IMMP2L: variants seen among roughly 807,000 people sequenced by gnomAD.
The protein encoded by IMMP2L is inner mitochondrial membrane peptidase subunit 2.
IMMP2L carries 18 observed loss-of-function variants against 19.3 expected under a neutral mutation model. The ratio of observed to expected loss-of-function variants is 0.93; its 90% CI spans 0.64 to 1.38. The LOEUF (loss-of-function observed/expected upper bound fraction) is 1.38. IMMP2L is among the 40% of genes most tolerant of loss of function. IMMP2L has a pLI of 0.00. For missense variants in IMMP2L, 233 were observed against 218.2 expected, an observed-to-expected ratio of 1.07 and a Z score of -0.43; for synonymous variants, 76 against 73.0, an observed-to-expected ratio of 1.04 and a Z score of -0.21.
intron 3 of IMMP2L, among the ~76,000 whole-genome samples, chr7:111,435,125 G>T (rs1475563028): frequency 6.6e-6 from 1 of 151,832 alleles, no homozygotes; most frequent in Non-Finnish European, 1.5e-5. Context: ...ACTGTATGGA[G>T]ATTTCTCAAA....
chr7:111,226,842 A>G (rs1813160153), intron 3 of IMMP2L, among the ~76,000 whole-genome samples: 1 of 152,058 alleles, frequency 6.6e-6, no homozygotes, highest in African/African-American at 2.4e-5. Context: ...AACTGACTAG[A>G]AGGAAATGGA....
In IMMP2L at chr7:111,286,111, T is replaced by A. The variant is rs112174681; in HGVS notation, c.239+201127A>T. 3.4e-3 allele frequency among the ~76,000 whole-genome samples: 522 copies of A among 152,238 alleles called. 2 individuals carry two copies. The highest frequency in any genetic ancestry group is 0.012 in the African/African-American group (494 of 41,540). On this transcript the variant is annotated intron_variant, in intron 3 of 5. Transcript: ENST00000405709. ...AGTATAACACTAAAAAGACTAATTA[T>A]TGAGAAGGCACACATAAAGAAAAAA...
chr7:111,060,700 A>G (rs527544640), intron 3 of IMMP2L, among the ~76,000 whole-genome samples: 2 of 152,368 alleles, frequency 1.3e-5, no homozygotes, highest in African/African-American at 4.8e-5. Flanking sequence ...TAATTCATGT[A>G]AAGTGCTTAG....
intron 4 of IMMP2L, among the ~76,000 whole-genome samples, chr7:110,894,693 T>G (rs1292762843): frequency 6.6e-6 from 1 of 152,172 alleles, no homozygotes; most frequent in Non-Finnish European, 1.5e-5. Context: ...CTACAAAGAA[T>G]ATACATTTTT....
chr7:111,044,406 C>G (rs1002568498), intron 3 of IMMP2L, among the ~76,000 whole-genome samples: 1 of 151,932 alleles, frequency 6.6e-6, no homozygotes, highest in Non-Finnish European at 1.5e-5. Flanking sequence ...CTAAAAAATA[C>G]AAAAATTAGC....
rs181209763 is a variant in IMMP2L, at chr7:111,310,924, C to T, written c.239+176314G>A. ...TAAAACAGAGCATTATGGTTTCTAA[C>T]GCCTATTCTCCTTTGCGCAAGGCAA... On this transcript the variant is annotated intron_variant, in intron 3 of 5. Coordinates refer to ENST00000405709, the MANE Select transcript of IMMP2L (RefSeq NM_032549.4). Among the ~76,000 whole-genome samples, 256 of 152,268 alleles carry T rather than the reference C, an allele frequency of 1.7e-3. 2 individuals are homozygous for T. Among genetic ancestry groups the T allele is most frequent in the African/African-American group, 6.1e-3 (252 of 41,558 alleles).
intron 2 of IMMP2L, among the ~76,000 whole-genome samples, chr7:111,493,609 A>G (rs1458000076): frequency 8.9e-5 from 13 of 146,050 alleles, no homozygotes; most frequent in South Asian, 2.2e-4. Flanking sequence ...GGAGGCTGAG[A>G]CAGGAGAACG....
At chr7:111,413,353 G>A (rs574762184) in intron 3 of IMMP2L, among the ~76,000 whole-genome samples, 1 of 152,018 alleles carries the variant, frequency 6.6e-6, no homozygotes, top group African/African-American at 2.4e-5. Flanking sequence ...TTCCCAGCTT[G>A]TTTATGAAGC....
intron 3 of IMMP2L, among the ~76,000 whole-genome samples, chr7:111,251,053 C>G (rs1176389553): frequency 6.6e-6 from 1 of 151,672 alleles, no homozygotes; most frequent in Admixed American, 6.6e-5. Context: ...AACAAATTTA[C>G]AGGAAACAAA....
intron 3 of IMMP2L, among the ~76,000 whole-genome samples, chr7:111,090,124 T>C (rs1307647781): frequency 6.6e-6 from 1 of 152,100 alleles, no homozygotes; most frequent in Non-Finnish European, 1.5e-5. Flanking sequence ...GTATACTAAT[T>C]AAGGTTGTAA....
intron 4 of IMMP2L, among the ~76,000 whole-genome samples, chr7:110,914,294 G>C (rs1813358073): frequency 1.3e-5 from 2 of 152,138 alleles, no homozygotes; most frequent in Admixed American, 6.6e-5. Flanking sequence ...TGGGAGCAAC[G>C]GTTTTGGCAT....
chr7:111,249,936 T>C lies in IMMP2L; in HGVS notation c.239+237302A>G, dbSNP rs184850260. On this transcript the variant is annotated intron_variant, in intron 3 of 5. Transcript: ENST00000405709. Reference sequence around the variant, plus strand: ...TCAGGCAAGAGAAAGAAATAAAGGATATTCAAACAGGAAGAGAAGAAGTCA... The same window carrying C: ...TCAGGCAAGAGAAAGAAATAAAGGACATTCAAACAGGAAGAGAAGAAGTCA... Among the ~76,000 whole-genome samples, 6 of 152,236 alleles carry C rather than the reference T, an allele frequency of 3.9e-5. No homozygotes were observed. In the South Asian group the frequency reaches 1.0e-3, roughly 26 times the overall value.
chr7:111,070,129 T>C (rs1190592927), intron 3 of IMMP2L, among the ~76,000 whole-genome samples: 1 of 151,754 alleles, frequency 6.6e-6, no homozygotes, highest in African/African-American at 2.4e-5. Context: ...TGTAAATTGA[T>C]AGTGAAAAAA....
At chr7:111,446,877 T>C (rs991643114) in intron 3 of IMMP2L, among the ~76,000 whole-genome samples, 1 of 150,644 alleles carries the variant, frequency 6.6e-6, no homozygotes, top group Non-Finnish European at 1.5e-5. Flanking sequence ...CTGATGGAGC[T>C]GAAAACCAAG....
intron 3 of IMMP2L, among the ~76,000 whole-genome samples, chr7:111,324,138 C>T (rs538796664): frequency 7.9e-5 from 12 of 151,482 alleles, no homozygotes; most frequent in African/African-American, 2.9e-4. Context: ...ACTTAAAGTA[C>T]AATAAAATAA....
At chr7:110,950,030 T>G (rs1462576313) in intron 4 of IMMP2L, among the ~76,000 whole-genome samples, 1 of 152,154 alleles carries the variant, frequency 6.6e-6, no homozygotes. Context: ...CTGCATGAAA[T>G]CATTGCAAAA....
chr7:111,241,155 A>G (rs1444705605), intron 3 of IMMP2L, among the ~76,000 whole-genome samples: 1 of 151,974 alleles, frequency 6.6e-6, no homozygotes, highest in South Asian at 2.1e-4. Flanking sequence ...TCAAAAAACT[A>G]TTAATTTAAA....
At chr7:111,283,267 C>A (rs991651380) in intron 3 of IMMP2L, among the ~76,000 whole-genome samples, 5 of 152,066 alleles carry the variant, frequency 3.3e-5, no homozygotes, top group African/African-American at 1.2e-4. Flanking sequence ...AATTACAGAA[C>A]ATTGTGGTAA....
chr7:111,388,944 T>A (rs1246524348), intron 3 of IMMP2L, among the ~76,000 whole-genome samples: 1 of 152,114 alleles, frequency 6.6e-6, no homozygotes, highest in Admixed American at 6.6e-5. Flanking sequence ...CTGTATTTCC[T>A]AGGTTTGTTC....
Sources: gnomAD v4.1 joint callset for allele counts (sites outside exome capture counted in the v4.1 genomes callset) on GRCh38, gnomAD v4.1.1 for gene constraint, MANE v1.5 for transcripts, NCBI Gene and HGNC (gene_info 2026-07-23, HGNC 2026-07-21) for gene names.